The following CADM2 variants were observed in gnomAD, a reference collection of about 807,000 sequenced individuals.
CADM2 encodes the protein cell adhesion molecule 2, also known as immunoglobulin superfamily member 4D.
A neutral mutation model predicts 49.8 loss-of-function variants in CADM2; 12 were observed. The ratio of observed to expected loss-of-function variants is 0.24; its 90% CI spans 0.15 to 0.39. CADM2 has a LOEUF of 0.39. Among genes scored for constraint, CADM2 ranks in the 10% least tolerant of loss-of-function variants. The pLI, the probability that CADM2 is intolerant of heterozygous loss-of-function variation, is 1.00. For missense variants in CADM2, 378 were observed against 492.3 expected (o/e 0.77, Z 2.20); for synonymous variants, 214 against 175.4 (o/e 1.22, Z -1.74).
At chr3:85,598,638 T>C (rs2063310545) in intron 1 of CADM2, among the ~76,000 whole-genome samples, 1 of 151,924 alleles carries the variant, frequency 6.6e-6, no homozygotes, top group South Asian at 2.1e-4. Context: ...GTCTACTTAA[T>C]TGGTCATTTA....
chr3:85,549,750 A>G (rs1314450041), intron 1 of CADM2, among the ~76,000 whole-genome samples: 1 of 151,140 alleles, frequency 6.6e-6, no homozygotes, highest in African/African-American at 2.4e-5. Flanking sequence ...CAGCCTCCCA[A>G]GTAGCTGGGA....
chr3:85,877,684 G>GTTTTTTTTTTTTTTTTT (rs368101272), intron 3 of CADM2, among the ~76,000 whole-genome samples: 43 of 111,990 alleles, frequency 3.8e-4, no homozygotes, highest in African/African-American at 1.3e-3. Context: ...TTTTTCTTCT[G>GTTTTTTTTTTTTTTTTT]TTTTTTTTTT....
At chr3:85,061,555 A>G (rs1285046344) in intron 1 of CADM2, among the ~76,000 whole-genome samples, 3 of 152,194 alleles carry the variant, frequency 2.0e-5, no homozygotes, top group Non-Finnish European at 4.4e-5. Flanking sequence ...CTTAAAGTCT[A>G]TTAAATAATG....
chr3:85,060,936 A>G (rs2036284290), intron 1 of CADM2, among the ~76,000 whole-genome samples: 1 of 152,152 alleles, frequency 6.6e-6, no homozygotes, highest in African/African-American at 2.4e-5. Context: ...AAATAATCCC[A>G]TCCAAAAAAT....
intron 3 of CADM2, among the ~76,000 whole-genome samples, chr3:85,880,076 A>T (rs1025983513): frequency 3.3e-5 from 5 of 152,128 alleles, no homozygotes; most frequent in African/African-American, 1.2e-4. Flanking sequence ...TTGTTATCTC[A>T]AAACATCATA....
intron 1 of CADM2, among the ~76,000 whole-genome samples, chr3:85,488,144 G>T (rs1264190041): frequency 1.3e-5 from 2 of 152,028 alleles, no homozygotes; most frequent in African/African-American, 4.8e-5. Flanking sequence ...ACGTAATGAG[G>T]AACCCCTCTT....
At chr3:85,318,127 G>T (rs966691538) in intron 1 of CADM2, among the ~76,000 whole-genome samples, 1 of 149,344 alleles carries the variant, frequency 6.7e-6, no homozygotes, top group Non-Finnish European at 1.5e-5. Context: ...CCATGATCCC[G>T]CCACTGCACT....
intron 1 of CADM2, among the ~76,000 whole-genome samples, chr3:85,702,062 C>T (rs938820304): frequency 6.6e-6 from 1 of 151,998 alleles, no homozygotes; most frequent in African/African-American, 2.4e-5. Flanking sequence ...TAATTTAGTA[C>T]AACTGATGAT....
chr3:85,995,135 T>C lies in CADM2; in HGVS notation c.970+33488T>C, dbSNP rs1577894347. On this transcript the variant is annotated intron_variant, in intron 8 of 9. Coordinates refer to ENST00000383699, the MANE Select transcript of CADM2 (RefSeq NM_001167675.2). ...AGTGTTTTAAGGTCTAAGACATTTATGAGAATAATGAACATTGTGGTAAAA... is the reference window on the plus strand; with the variant it reads ...AGTGTTTTAAGGTCTAAGACATTTACGAGAATAATGAACATTGTGGTAAAA... Among the ~76,000 whole-genome samples the C allele has an allele frequency of 2.6e-5, 4 of 151,944 alleles. No individual in the cohort carries two copies. The East Asian group carries it at 7.7e-4, about 29-fold the overall frequency.
intron 2 of CADM2, among the ~76,000 whole-genome samples, chr3:85,769,394 A>G (rs2069894535): frequency 8.6e-6 from 1 of 116,398 alleles, no homozygotes; most frequent in Non-Finnish European, 1.6e-5. Context: ...ATATACATAT[A>G]TAGTATATAT....
intron 1 of CADM2, among the ~76,000 whole-genome samples, chr3:85,408,451 G>A (rs570255828): frequency 6.6e-6 from 1 of 152,180 alleles, no homozygotes; most frequent in Non-Finnish European, 1.5e-5. Context: ...TGAACCAGTT[G>A]TTCTAAAACT....
At chr3:85,994,716 T>A (rs1729156916) in intron 8 of CADM2, 1 of 152,122 alleles carries the variant, frequency 6.6e-6, no homozygotes, top group Non-Finnish European at 1.5e-5. Context: ...CTAGGGAGCC[T>A]GGAGGAGAGG....
intron 1 of CADM2, among the ~76,000 whole-genome samples, chr3:85,060,234 G>T (rs1302439718): frequency 2.0e-5 from 3 of 152,108 alleles, no homozygotes; most frequent in Non-Finnish European, 4.4e-5. Context: ...AGGTTCAAGT[G>T]ATTCTCCTGC....
intron 1 of CADM2, among the ~76,000 whole-genome samples, chr3:85,023,084 TAAAG>T (rs749293428): frequency 6.6e-6 from 1 of 152,100 alleles, no homozygotes; most frequent in African/African-American, 2.4e-5. Context: ...AAGTGAATAG[TAAAG>T]AAAGAGTTTT....
At chr3:85,873,148 A>G (rs1005248173) in intron 3 of CADM2, among the ~76,000 whole-genome samples, 1 of 152,204 alleles carries the variant, frequency 6.6e-6, no homozygotes, top group African/African-American at 2.4e-5. Flanking sequence ...TCATGACTTA[A>G]TCACTCTTTA....
At chr3:85,154,751 C>T (rs1271021860) in intron 1 of CADM2, among the ~76,000 whole-genome samples, 2 of 144,974 alleles carry the variant, frequency 1.4e-5, no homozygotes, top group Non-Finnish European at 3.0e-5. Flanking sequence ...TTGGCAGAAA[C>T]CCTACAAGCC....
chr3:85,136,346 TG>T (rs1309971595), intron 1 of CADM2, among the ~76,000 whole-genome samples: 2 of 152,002 alleles, frequency 1.3e-5, no homozygotes, highest in African/African-American at 4.8e-5. Flanking sequence ...TGTGTGTGTG[TG>T]TGTGTGTGTG....
chr3:85,392,697 A>G (rs1036511478), intron 1 of CADM2, among the ~76,000 whole-genome samples: 3 of 152,096 alleles, frequency 2.0e-5, no homozygotes, highest in Non-Finnish European at 2.9e-5. Flanking sequence ...CTTTTTCTGG[A>G]CTCAAAATTC....
intron 1 of CADM2, among the ~76,000 whole-genome samples, chr3:85,357,986 G>T (rs1419010027): frequency 6.6e-6 from 1 of 152,060 alleles, no homozygotes; most frequent in Non-Finnish European, 1.5e-5. Context: ...ACAGTAGATT[G>T]CATGGCCAAC....
Sources: allele counts gnomAD v4.1 joint callset (sites outside exome capture counted in the v4.1 genomes callset), GRCh38; gene constraint gnomAD v4.1.1; transcripts MANE v1.5; gene names NCBI Gene and HGNC (gene_info 2026-07-23, HGNC 2026-07-21).